Variants in PCDH15 observed in about 807,000 individuals in gnomAD.
The protein encoded by PCDH15 is protocadherin-15.
A neutral mutation model predicts 178.5 loss-of-function variants in PCDH15; 129 were observed. The observed-to-expected ratio is 0.72, with a 90% CI of 0.63 to 0.84. The LOEUF (loss-of-function observed/expected upper bound fraction) is 0.84. Ranked by LOEUF, PCDH15 falls within the 40% of genes least tolerant of loss-of-function variation. The pLI is 0.00. For synonymous variants in PCDH15, 800 were observed against 732.0 expected (o/e 1.09, Z -1.50); for missense variants, 2,230 against 2,099.9 (o/e 1.06, Z -1.21).
At chr10:54,612,441 G>A (rs1359358513) in intron 2 of PCDH15, among the ~76,000 whole-genome samples, 2 of 151,548 alleles carry the variant, frequency 1.3e-5, no homozygotes, top group East Asian at 3.9e-4. Flanking sequence ...TTAAATAAGT[G>A]TTTTTTCTCT....
At chr10:55,328,991 T>C (rs906446266) in intron 2 of PCDH15, among the ~76,000 whole-genome samples, 2 of 137,672 alleles carry the variant, frequency 1.5e-5, no homozygotes, top group Admixed American at 1.5e-4. Flanking sequence ...TTTGGAAATA[T>C]ATTCCATTTT....
chr10:54,270,141 A>G (rs1212741608), intron 8 of PCDH15, among the ~76,000 whole-genome samples: 1 of 152,082 alleles, frequency 6.6e-6, no homozygotes, highest in Non-Finnish European at 1.5e-5. Context: ...AACGCTATAG[A>G]TAGTGAAATA....
intron 11 of PCDH15, among the ~76,000 whole-genome samples, chr10:54,191,995 G>A (rs1211908981): frequency 7.2e-6 from 1 of 138,450 alleles, no homozygotes; most frequent in African/African-American, 2.7e-5. Flanking sequence ...ACGGGGGGAA[G>A]GAAAGGAAGG....
chr10:55,208,775 A>G (rs1840478294), intron 1 of PCDH15, among the ~76,000 whole-genome samples: 1 of 152,022 alleles, frequency 6.6e-6, no homozygotes, highest in Non-Finnish European at 1.5e-5. Context: ...AGGAAGCTTG[A>G]CAAAATGAAT....
At chr10:53,825,665 T>C (rs1588957956) in intron 32 of PCDH15, among the ~76,000 whole-genome samples, 1 of 151,542 alleles carries the variant, frequency 6.6e-6, no homozygotes, top group East Asian at 1.9e-4. Flanking sequence ...TCCAAAATGA[T>C]CTTTGACTTT....
At chr10:54,751,514 G>C (rs376162527) in intron 1 of PCDH15, among the ~76,000 whole-genome samples, 2 of 152,198 alleles carry the variant, frequency 1.3e-5, no homozygotes, top group East Asian at 1.9e-4. Flanking sequence ...TCAGAAATTT[G>C]CAACACAATA....
intron 1 of PCDH15, among the ~76,000 whole-genome samples, chr10:55,270,311 T>A (rs1165358051): frequency 6.6e-6 from 1 of 151,776 alleles, no homozygotes; most frequent in African/African-American, 2.4e-5. Context: ...CTAAAGAGTG[T>A]CTGCACAGAA....
intron 8 of PCDH15, among the ~76,000 whole-genome samples, chr10:54,270,395 T>C (rs1216832442): frequency 1.3e-5 from 2 of 152,146 alleles, no homozygotes; most frequent in African/African-American, 4.8e-5. Context: ...CATTCTAAAT[T>C]TGGACAGTCA....
chr10:54,516,604 G>A (rs566274693), intron 3 of PCDH15, among the ~76,000 whole-genome samples: 105 of 152,228 alleles, frequency 6.9e-4, no homozygotes, highest in Middle Eastern at 6.8e-3. Flanking sequence ...TGAAAGTGAC[G>A]GGGAGAATGG....
intron 2 of PCDH15, among the ~76,000 whole-genome samples, chr10:55,400,642 C>A (rs1048738906): frequency 1.3e-5 from 2 of 152,172 alleles, no homozygotes; most frequent in South Asian, 4.1e-4. Flanking sequence ...ACATTCCCAG[C>A]TGAAGTCAAA....
intron 2 of PCDH15, among the ~76,000 whole-genome samples, chr10:55,451,948 G>T (rs1839444802): frequency 6.6e-6 from 1 of 152,068 alleles, no homozygotes; most frequent in African/African-American, 2.4e-5. Flanking sequence ...CATATTCCAG[G>T]ATATCGAAAA....
At chr10:55,485,909 T>A (rs935295735) in intron 2 of PCDH15, among the ~76,000 whole-genome samples, 8 of 151,694 alleles carry the variant, frequency 5.3e-5, no homozygotes, top group African/African-American at 1.9e-4. Context: ...GTCAGTCACA[T>A]AGACTTTACA....
intron 2 of PCDH15, among the ~76,000 whole-genome samples, chr10:55,067,009 C>T (rs1182159627): frequency 6.6e-6 from 1 of 151,874 alleles, no homozygotes; most frequent in African/African-American, 2.4e-5. Context: ...ATGTAATAAA[C>T]ACATCTACTC....
At chr10:55,602,193 A>G (rs903577161) in intron 2 of PCDH15, among the ~76,000 whole-genome samples, 1 of 152,150 alleles carries the variant, frequency 6.6e-6, no homozygotes, top group African/African-American at 2.4e-5. Flanking sequence ...CGTAAAAAAC[A>G]GCACACCACG....
intron 37 of PCDH15, chr10:53,808,382 CTG>C (rs1005728502): frequency 2.0e-6 from 2 of 1,008,256 alleles, no homozygotes; most frequent in Non-Finnish European, 1.2e-6. Flanking sequence ...CAGAGTGTCA[CTG>C]ATAATACATA....
At chr10:54,516,181 G>C (rs1189690064) in intron 3 of PCDH15, among the ~76,000 whole-genome samples, 1 of 152,192 alleles carries the variant, frequency 6.6e-6, no homozygotes, top group Non-Finnish European at 1.5e-5. Context: ...GAAGGCTTCA[G>C]ATGATCAAAC....
At chr10:55,128,580 C>T (rs1194529094) in intron 2 of PCDH15, among the ~76,000 whole-genome samples, 2 of 151,988 alleles carry the variant, frequency 1.3e-5, no homozygotes, top group Non-Finnish European at 1.5e-5. Context: ...ATTGTTACCG[C>T]ACCTTAACCT....
In PCDH15 at chr10:54,378,883, T is replaced by C. The variant is rs779565753; in HGVS notation, c.217A>G (p.Ile73Val). 38 of 1,613,710 alleles carry C rather than the reference T, an allele frequency of 2.4e-5. No individual in the cohort carries two copies. The highest frequency in any genetic ancestry group is 4.2e-6 in the Non-Finnish European group (5 of 1,179,824). ...KGTAGGPDPTIELSLKDNVDY... is the reference protein window; with the variant it reads ...KGTAGGPDPTVELSLKDNVDY... Reference sequence around the variant, plus strand: ...ACATTATCCTTTAAAGAAAGTTCTATGGTGGGGTCTGGTCCTCCAGCAGTC... The same window carrying C: ...ACATTATCCTTTAAAGAAAGTTCTACGGTGGGGTCTGGTCCTCCAGCAGTC... The change falls in exon 4 of 38, where the codon ATA becomes GTA. Residue 73 changes from isoleucine (I) to valine (V), a missense_variant. Coordinates refer to ENST00000644397, the MANE Select transcript of PCDH15 (RefSeq NM_001384140.1).
At chr10:54,422,913 G>A (rs576020871) in intron 3 of PCDH15, among the ~76,000 whole-genome samples, 8 of 151,980 alleles carry the variant, frequency 5.3e-5, no homozygotes, top group African/African-American at 1.2e-4. Flanking sequence ...AATAGAAAAC[G>A]TATTAAGCAG....
Sources: gnomAD v4.1 joint callset for allele counts (sites outside exome capture counted in the v4.1 genomes callset) on GRCh38, gnomAD v4.1.1 for gene constraint, MANE v1.5 for transcripts, NCBI Gene and HGNC (gene_info 2026-07-23, HGNC 2026-07-21) for gene names.